The following MGAM variants were observed in gnomAD, a reference collection of about 807,000 sequenced individuals.
MGAM encodes maltase-glucoamylase.
Under a neutral mutation model 358.8 loss-of-function variants are expected in MGAM, and 253 were observed. That is an observed-to-expected ratio of 0.71 (90% CI 0.64 to 0.78). The LOEUF is 0.78. Ranked by LOEUF, MGAM falls within the 30% of genes least tolerant of loss-of-function variation. MGAM has a pLI of 0.00. For synonymous variants in MGAM, 1,105 were observed against 1,227.1 expected, an observed-to-expected ratio of 0.90 and a Z score of 2.08; for missense variants, 3,080 against 3,432.6, an observed-to-expected ratio of 0.90 and a Z score of 2.57.
At chr7:142,082,263 C>T in intron 51 of MGAM, 53 bp downstream of exon 51, 1 of 1,520,340 alleles carries the variant, frequency 6.6e-7, no homozygotes, top group Non-Finnish European at 9.0e-7. Flanking sequence ...ACCCACACTG[C>T]TCAGGCTTTG....
At chr7:142,057,331 T>G (rs1251022479) in intron 30 of MGAM, among the ~76,000 whole-genome samples, 2 of 147,786 alleles carry the variant, frequency 1.4e-5, no homozygotes, top group Non-Finnish European at 1.5e-5. Flanking sequence ...TGGTAATGGG[T>G]GTGTTGGTGA....
rs1256604816 is a variant in MGAM, at chr7:142,008,416, T to C, written c.128-90T>C. On this transcript the variant is annotated intron_variant, in intron 2 of 70. Transcript: ENST00000475668. ...GGTCATCAGAGTGAAGCCTACTCAG[T>C]AGTGGAGTTAATTGGAGGTGTTGAG... is the stretch of plus-strand genomic sequence containing the variant. 16 of 1,349,770 alleles carry C rather than the reference T, an allele frequency of 1.2e-5. No homozygotes were observed. In the Admixed American group the frequency reaches 3.6e-4, roughly 30 times the overall value. 83.6% of individuals were successfully genotyped at this position (1,349,770 alleles called of 1,614,324 possible).
chr7:142,046,951 T>C (rs1047799720), intron 21 of MGAM, among the ~76,000 whole-genome samples: 3 of 152,158 alleles, frequency 2.0e-5, no homozygotes, highest in Admixed American at 1.3e-4. Flanking sequence ...ATTGACTTCT[T>C]AGAAACGACT....
chr7:141,992,829 C>T (rs1462675299), upstream of MGAM, among the ~76,000 whole-genome samples: 4 of 152,108 alleles, frequency 2.6e-5, no homozygotes, highest in Non-Finnish European at 4.4e-5. Context: ...GTGATCTTCT[C>T]GTCTTGGCCT....
chr7:142,050,436 C>G (rs771005541), intron 23 of MGAM, among the ~76,000 whole-genome samples, 152 bp downstream of exon 23: 43 of 152,134 alleles, frequency 2.8e-4, no homozygotes, highest in Admixed American at 4.6e-4. Context: ...ATGATTTCAT[C>G]GATGTTTTCA....
rs369637236 is a variant in MGAM at position 142,026,052 on chromosome 7, T to C, written c.982+903T>C. 3.9e-5 allele frequency among the ~76,000 whole-genome samples: 6 copies of C among 152,308 alleles called. No individual in the cohort carries two copies. The East Asian group carries it at 7.7e-4, about 20-fold the overall frequency. Reference sequence around the variant, plus strand: ...GGAAAGGCCACAAGATCCTAGATACTCTGTATGAGTTGTTCCTATGACCAA... The same window carrying C: ...GGAAAGGCCACAAGATCCTAGATACCCTGTATGAGTTGTTCCTATGACCAA... On this transcript the variant is annotated intron_variant, in intron 8 of 70. Coordinates refer to ENST00000475668, the MANE Select transcript of MGAM (RefSeq NM_001365693.1).
intron 20 of MGAM, 199 bp from the exon 21 acceptor site, chr7:142,040,523 T>C (rs551405121): frequency 1.5e-6 from 1 of 664,636 alleles, no homozygotes; most frequent in African/African-American, 1.8e-5. Context: ...CAGCATGGCA[T>C]AAATTTTTTC....
chr7:142,056,426 G>T (rs1811548427), intron 29 of MGAM, among the ~76,000 whole-genome samples: 1 of 152,022 alleles, frequency 6.6e-6, no homozygotes, highest in South Asian at 2.1e-4. Context: ...TTAGTCTGGG[G>T]GTATTGAGGG....
intron 34 of MGAM, 102 bp from the exon 35 acceptor site, chr7:142,062,466 C>A (rs901140811): frequency 1.4e-6 from 2 of 1,445,616 alleles, no homozygotes; most frequent in Admixed American, 4.4e-5. Flanking sequence ...CTGTCTGTCA[C>A]CATGCAGTTG....
intron 57 of MGAM, among the ~76,000 whole-genome samples, chr7:142,091,634 A>G (rs922005276): frequency 6.8e-6 from 1 of 146,370 alleles, no homozygotes; most frequent in East Asian, 2.0e-4. Flanking sequence ...CATCGAATGC[A>G]TGAGGTCACT....
Position 142,055,669 on chromosome 7 carries a change from T to C in MGAM, c.3426T>C (p.Tyr1142=), listed in dbSNP as rs749665487. 15 of 1,613,954 alleles carry C rather than the reference T, an allele frequency of 9.3e-6. No homozygotes were observed. The East Asian group carries it at 1.6e-4, about 17-fold the overall frequency. The change falls in exon 28 of 71, where the codon TAT becomes TAC. Residue 1142 remains tyrosine (Y), a synonymous_variant. Transcript: ENST00000475668. ...YGFGETEHRS[Y]RRDLEWHTWG... Reference sequence around the variant, plus strand: ...TTGGGGAAACTGAGCACAGGTCCTATAGGAGAGACTTGGAGTGGCACACTT... The same window carrying C: ...TTGGGGAAACTGAGCACAGGTCCTACAGGAGAGACTTGGAGTGGCACACTT...
chr7:142,065,534 T>C, intron 38 of MGAM, 54 bp from the exon 39 acceptor site: 1 of 1,613,864 alleles, frequency 6.2e-7, no homozygotes, highest in Non-Finnish European at 8.5e-7. Context: ...AGGGAAGAGG[T>C]GAGGAGGCAG....
At position 142,082,174 on chromosome 7, in the gene MGAM, C is replaced by T; in HGVS notation, c.6135C>T (p.His2045=). The T allele has an allele frequency of 1.3e-6, 2 of 1,555,478 alleles. No homozygotes were observed. The highest frequency in any genetic ancestry group is 8.8e-7 in the Non-Finnish European group (1 of 1,132,402). The change falls in exon 51 of 71, where the codon CAC becomes CAT. Residue 2045 remains histidine (H), a synonymous_variant. Transcript: ENST00000475668. ...CCTACAGGAGAGACTTGGAGTGGCACACTTGGGGGATGTTCTCCCGAGACC... is the reference window on the plus strand; with the variant it reads ...CCTACAGGAGAGACTTGGAGTGGCATACTTGGGGGATGTTCTCCCGAGACC... The part of the protein sequence containing the change: ...HTSYRRDLEW[H]TWGMFSRDQP...
intron 2 of MGAM, among the ~76,000 whole-genome samples, chr7:141,986,770 A>G (rs1803720874): frequency 6.6e-6 from 1 of 152,224 alleles, no homozygotes; most frequent in South Asian, 2.1e-4. Context: ...CTCTTCTCCA[A>G]TAATCTTGAA....
In MGAM at chr7:142,008,522, A is replaced by T; in HGVS notation, c.144A>T (p.Thr48=). 6.2e-7 allele frequency: 1 copy of T among 1,610,836 alleles called. No individual in the cohort carries two copies. Among genetic ancestry groups the T allele is most frequent in the Non-Finnish European group, 8.5e-7 (1 of 1,178,422 alleles). ...TTGGTATAGCCCCAGATCCTGGGACAACTGGTACCCCAGATCCTGGGACAA... is the reference window on the plus strand; with the variant it reads ...TTGGTATAGCCCCAGATCCTGGGACTACTGGTACCCCAGATCCTGGGACAA... ...SLKSTAPDPG[T]TGTPDPGTTG... Residue 48 remains threonine (T), a synonymous_variant, in exon 3 of 71, where the codon ACA becomes ACT. Coordinates refer to ENST00000475668, the MANE Select transcript of MGAM (RefSeq NM_001365693.1).
intron 57 of MGAM, among the ~76,000 whole-genome samples, chr7:142,090,537 G>A (rs1815284281): frequency 6.9e-6 from 1 of 145,856 alleles, no homozygotes; most frequent in Non-Finnish European, 1.6e-5. Flanking sequence ...ATCCTTGACA[G>A]CCAGACCCAT....
chr7:142,105,786 C>T (rs1340400585), intron 70 of MGAM, 28 bp from the exon 71 acceptor site: 1 of 1,576,890 alleles, frequency 6.3e-7, no homozygotes, highest in Non-Finnish European at 8.7e-7. Context: ...CACCGGATGC[C>T]CAATTCTTTT....
intron 21 of MGAM, among the ~76,000 whole-genome samples, chr7:142,042,650 A>G (rs865867410): frequency 2.3e-5 from 1 of 43,528 alleles, no homozygotes; most frequent in Non-Finnish European, 3.7e-5. Flanking sequence ...TATATAATAT[A>G]TATTATATAT....
In MGAM at chr7:142,050,279, A is replaced by G; in HGVS notation, c.2632A>G (p.Thr878Ala). ...KVYLLCEFSV[T>A]QNRLEVNISQ... ...GTATCTTTTATGTGAGTTTTCTGTCACTCAAGTGAGTAGCATATTTTTATG... is the reference window on the plus strand; with the variant it reads ...GTATCTTTTATGTGAGTTTTCTGTCGCTCAAGTGAGTAGCATATTTTTATG... Residue 878 changes from threonine (T) to alanine (A), a missense_variant, in exon 23 of 71, where the codon ACT (threonine) becomes GCT (alanine). By Grantham distance (58) the Thr-to-Ala change is moderately conservative (BLOSUM62 0). This residue lies in a region of MGAM where 1,816 missense variants were observed against 1,840.5 expected (regional missense o/e 0.99). Coordinates refer to ENST00000475668, the MANE Select transcript of MGAM (RefSeq NM_001365693.1). 6.2e-7 allele frequency: 1 copy of G among 1,613,382 alleles called. No homozygotes were observed. The highest frequency in any genetic ancestry group is 8.5e-7 in the Non-Finnish European group (1 of 1,179,474).
Sources: gnomAD v4.1 joint callset for allele counts (sites outside exome capture counted in the v4.1 genomes callset) on GRCh38, gnomAD v4.1.1 for gene constraint, gnomAD v4.1.1 regional missense constraint, MANE v1.5 for transcripts, NCBI Gene and HGNC (gene_info 2026-07-23, HGNC 2026-07-21) for gene names.